Variants in CIT observed in about 807,000 individuals in gnomAD.
CIT encodes citron rho-interacting serine/threonine kinase.
CIT carries 79 observed loss-of-function variants against 272.7 expected under a neutral mutation model. The ratio of observed to expected loss-of-function variants is 0.29; its 90% confidence interval spans 0.24 to 0.35. CIT has a LOEUF of 0.35. Ranked by LOEUF, CIT falls within the 10% of genes least tolerant of loss-of-function variation. CIT has a pLI of 1.00. For missense variants in CIT, 1,909 were observed against 2,618.3 expected (o/e 0.73, Z 5.91); for synonymous variants, 948 against 995.6 (o/e 0.95, Z 0.90).
At position 119,735,463 on chromosome 12, in the gene CIT, C is replaced by T. The variant is rs1565961582; in HGVS notation, c.2959-106G>A. On this transcript the variant is annotated intron_variant, in intron 24 of 47. Coordinates refer to ENST00000392521, the MANE Select transcript of CIT (RefSeq NM_001206999.2). Reference sequence around the variant, plus strand: ...GAACCCACGTGACACTGGCAATCAACGTGCCGCTCATGAGTTTGCCCACCT... The same window carrying T: ...GAACCCACGTGACACTGGCAATCAATGTGCCGCTCATGAGTTTGCCCACCT... The T allele has an allele frequency of 7.2e-6, 8 of 1,110,134 alleles. No homozygotes were observed. The South Asian group carries it at 8.3e-5, about 11-fold the overall frequency. The allele number at this position is 1,110,134 out of a possible 1,614,324, so 68.8% of individuals were successfully genotyped here. A position where few individuals can be genotyped will look rare whatever the true frequency, so the allele number is the denominator to read the frequency against.
Position 119,784,638 on chromosome 12 carries a change from C to A in CIT, c.1401+322G>T. Reference sequence around the variant, plus strand: ...AAGAGAGACTTCGCATCACTCAAAGCAGATGGGATGTATCTCAGCCACAGG... The same window carrying A: ...AAGAGAGACTTCGCATCACTCAAAGAAGATGGGATGTATCTCAGCCACAGG... On this transcript the variant is annotated intron_variant, in intron 11 of 47. Transcript: ENST00000392521. This position sits in a 1 kb window ranked among gnomAD's most constrained non-coding sequence, Gnocchi z 4.7. The A allele has an allele frequency of 1.6e-6, 2 of 1,239,560 alleles. No homozygotes were observed. The highest frequency in any genetic ancestry group is 2.0e-6 in the Non-Finnish European group (2 of 985,102). 76.8% of individuals were successfully genotyped at this position (1,239,560 alleles called of 1,614,324 possible). A position where few individuals can be genotyped will look rare whatever the true frequency, so the allele number is the denominator to read the frequency against.
At chr12:119,691,596 A>G (rs1955954372) in intron 46 of CIT, among the ~76,000 whole-genome samples, 1 of 152,254 alleles carries the variant, frequency 6.6e-6, no homozygotes, top group African/African-American at 2.4e-5. Flanking sequence ...AAAACGTCCC[A>G]GGCCTCAAAG....
At chr12:119,739,851 C>G (rs1394630288) in intron 24 of CIT, among the ~76,000 whole-genome samples, 9 of 152,116 alleles carry the variant, frequency 5.9e-5, no homozygotes, top group Admixed American at 5.9e-4. Flanking sequence ...ATACTGGAAC[C>G]AGCAGCTCTC....
At chr12:119,714,083 CT>C (rs1235751129) in intron 33 of CIT, 113 bp downstream of exon 33, 9 of 1,238,818 alleles carry the variant, frequency 7.3e-6, no homozygotes, top group Admixed American at 5.2e-5. Flanking sequence ...AAGTAAGAAG[CT>C]CGAAAATGAA....
chr12:119,695,513 G>A (rs1956178038), intron 46 of CIT, among the ~76,000 whole-genome samples: 2 of 152,146 alleles, frequency 1.3e-5, no homozygotes, highest in Admixed American at 6.6e-5. Context: ...AAATGGTGTA[G>A]GACCAGACAC....
At chr12:119,739,564 T>C (rs1388013093) in intron 24 of CIT, among the ~76,000 whole-genome samples, 1 of 152,234 alleles carries the variant, frequency 6.6e-6, no homozygotes, top group Admixed American at 6.5e-5. Flanking sequence ...AGACCTACTA[T>C]TGTGGCCAAA....
At chr12:119,834,281 G>A in intron 5 of CIT, 53 bp from the exon 6 acceptor site, 5 of 1,470,788 alleles carry the variant, frequency 3.4e-6, no homozygotes, top group South Asian at 2.7e-5. Flanking sequence ...AATAGGGAAT[G>A]CCTCAATTAG....
At chr12:119,869,454 C>T (rs1950605192) in intron 2 of CIT, among the ~76,000 whole-genome samples, 1 of 152,186 alleles carries the variant, frequency 6.6e-6, no homozygotes, top group South Asian at 2.1e-4. Flanking sequence ...TGGCCATTAA[C>T]AAGAAAAGCT....
chr12:119,694,351 G>A lies in CIT; in HGVS notation c.5882+3308C>T, dbSNP rs191755875. ...GACAACTCGAACAGCCATTAATGAA[G>A]AAGCAGTTAAACCAATTAAGGTACA... On this transcript the variant is annotated intron_variant, in intron 46 of 47. Coordinates refer to ENST00000392521, the MANE Select transcript of CIT (RefSeq NM_001206999.2). This position sits in a 1 kb window ranked among gnomAD's most constrained non-coding sequence, Gnocchi z 4.5. 0.016 allele frequency among the ~76,000 whole-genome samples: 2,364 copies of A among 152,332 alleles called. 54 individuals carry two copies. The highest frequency in any genetic ancestry group is 0.053 in the African/African-American group (2,187 of 41,558).
chr12:119,729,089 A>G (rs1020133202), intron 27 of CIT, among the ~76,000 whole-genome samples: 2 of 152,224 alleles, frequency 1.3e-5, no homozygotes, highest in Non-Finnish European at 2.9e-5. Flanking sequence ...CCCAATTAGG[A>G]GAAGATCAAG....
At chr12:119,867,017 GA>G (rs904691542) in intron 3 of CIT, among the ~76,000 whole-genome samples, 1 of 152,036 alleles carries the variant, frequency 6.6e-6, no homozygotes, top group Non-Finnish European at 1.5e-5. Flanking sequence ...CATGAAGAGA[GA>G]GAGGCCCAGC....
chr12:119,698,736 G>A (rs963705086), intron 44 of CIT, among the ~76,000 whole-genome samples: 1 of 152,130 alleles, frequency 6.6e-6, no homozygotes, highest in Non-Finnish European at 1.5e-5. Context: ...CATGTGGGAA[G>A]TATTCTGCCT....
At chr12:119,711,084 A>G (rs1265519631) in intron 37 of CIT, 1 of 1,366,714 alleles carries the variant, frequency 7.3e-7, no homozygotes, top group African/African-American at 1.5e-5. Flanking sequence ...TAAGAAACAC[A>G]GTCGCGGGCC....
chr12:119,850,504 AAGGGAAGGGAAGGGG>A (rs1456242335), intron 4 of CIT, among the ~76,000 whole-genome samples: 3 of 150,506 alleles, frequency 2.0e-5, no homozygotes, highest in Admixed American at 1.3e-4. Flanking sequence ...AAGGGAAGAA[AAGGGAAGGGAAGGGG>A]AAGGGAAGGG....
rs534681999 is a variant in CIT at position 119,691,875 on chromosome 12, C to T, written c.5883-1421G>A. 2.5e-3 allele frequency among the ~76,000 whole-genome samples: 376 copies of T among 152,208 alleles called. 1 individual carries two copies. The highest frequency in any genetic ancestry group is 6.8e-3 in the Middle Eastern group (2 of 294). The stretch of plus-strand genomic sequence containing the variant: ...GCATAATTTGTGCTTGGAAAAGGCC[C>T]TACTTAAAATGGAGGAAAAAAATTA... On this transcript the variant is annotated intron_variant, in intron 46 of 47. Transcript: ENST00000392521.
chr12:119,705,233 A>G lies in CIT; in HGVS notation c.5212-778T>C, dbSNP rs571356818. Among the ~76,000 whole-genome samples the G allele has an allele frequency of 1.2e-4, 19 of 152,278 alleles. No homozygotes were observed. The East Asian group carries it at 3.1e-3, about 25-fold the overall frequency. On this transcript the variant is annotated intron_variant, in intron 40 of 47. Coordinates refer to ENST00000392521, the MANE Select transcript of CIT (RefSeq NM_001206999.2). ...CGGCCCACATTTAGAGAAAATTTCAATCCAAAAGGAAAAGTTCTTAGCTAA... is the reference window on the plus strand; with the variant it reads ...CGGCCCACATTTAGAGAAAATTTCAGTCCAAAAGGAAAAGTTCTTAGCTAA...
intron 3 of CIT, 142 bp from the exon 4 acceptor site, chr12:119,857,840 T>A: frequency 2.6e-6 from 2 of 770,882 alleles, no homozygotes. Flanking sequence ...CCATCATGAA[T>A]AATTATAAAA....
chr12:119,710,222 G>GA lies in CIT; in HGVS notation c.5071+28dup, dbSNP rs754524918. ...ACATATTGGCTCCCTTGAAAGTAAA[G>GA]AAAAAACACCATGTCCTTGGCCTCA... On this transcript the variant is annotated intron_variant, in intron 39 of 47. Coordinates refer to ENST00000392521, the MANE Select transcript of CIT (RefSeq NM_001206999.2). The surrounding 1 kb of genome is among the most constrained non-coding windows in gnomAD (Gnocchi z 5.6). The GA allele has an allele frequency of 1.1e-5, 18 of 1,603,006 alleles. No individual in the cohort carries two copies. Among genetic ancestry groups the GA allele is most frequent in the East Asian group, 2.2e-5 (1 of 44,842 alleles).
intron 25 of CIT, among the ~76,000 whole-genome samples, chr12:119,734,952 A>AT (rs148927483): frequency 1.3e-5 from 2 of 152,032 alleles, no homozygotes; most frequent in Admixed American, 1.3e-4. Context: ...CACTGGCCCT[A>AT]TTTTTTAAAA....
Sources: gnomAD v4.1 joint callset for allele counts (sites outside exome capture counted in the v4.1 genomes callset) on GRCh38, gnomAD v4.1.1 for gene constraint, Gnocchi (gnomAD v3.1) non-coding constraint, MANE v1.5 for transcripts, NCBI Gene and HGNC (gene_info 2026-07-23, HGNC 2026-07-21) for gene names.